Variants in DMD observed in about 807,000 individuals in gnomAD.
DMD encodes dystrophin.
DMD carries 63 observed loss-of-function variants against 330.1 expected under a neutral mutation model. The observed-to-expected ratio is 0.19, with a 90% CI of 0.16 to 0.24. DMD has a LOEUF of 0.24. Ranked by LOEUF, DMD falls within the 10% of genes least tolerant of loss-of-function variation. The pLI is 1.00. For missense variants in DMD, 3,344 were observed against 2,684.1 expected (o/e 1.25, Z -5.43); for synonymous variants, 1,223 against 959.8 (o/e 1.27, Z -5.07).
intron 2 of DMD, among the ~76,000 whole-genome samples, chrX:32,967,974 C>G (rs1266219612): frequency 1.8e-5 from 2 of 111,882 alleles, no homozygotes; most frequent in Non-Finnish European, 3.8e-5. Context: ...ATTCTTCACA[C>G]TTTTCAGTAT....
intron 1 of DMD, among the ~76,000 whole-genome samples, chrX:33,066,730 A>G (rs1208461672): frequency 1.8e-5 from 2 of 111,377 alleles, no homozygotes; most frequent in Non-Finnish European, 3.8e-5. Flanking sequence ...CACATAAAGC[A>G]TGCATAAGAA....
chrX:32,846,723 T>TTAAA (rs1491283627), intron 3 of DMD, among the ~76,000 whole-genome samples: 33 of 53,583 alleles, frequency 6.2e-4, no homozygotes, highest in African/African-American at 2.0e-3. Context: ...ACTTTAGATT[T>TTAAA]AAAAAAAAAA....
chrX:32,675,557 T>G, intron 9 of DMD, among the ~76,000 whole-genome samples: 1 of 111,818 alleles, frequency 8.9e-6, no homozygotes, highest in Middle Eastern at 4.6e-3. Context: ...TTTTAGTAAA[T>G]CATGAAGTGT....
intron 44 of DMD, among the ~76,000 whole-genome samples, chrX:31,994,134 C>T (rs750483357): frequency 9.0e-6 from 1 of 111,605 alleles, no homozygotes; most frequent in East Asian, 2.8e-4. Context: ...CTGTTAGAAG[C>T]GTGGGAAACC....
At chrX:32,409,562 A>C (rs2098133473) in intron 30 of DMD, among the ~76,000 whole-genome samples, 1 of 111,636 alleles carries the variant, frequency 9.0e-6, no homozygotes, top group South Asian at 3.7e-4. Flanking sequence ...CTTCGCCCTA[A>C]AAGCTCCAAT....
chrX:31,901,800 C>A (rs753187823), intron 47 of DMD, among the ~76,000 whole-genome samples: 1 of 110,688 alleles, frequency 9.0e-6, no homozygotes, highest in Admixed American at 9.6e-5. Context: ...TGACTTTTAC[C>A]GTTTCTAATG....
intron 4 of DMD, among the ~76,000 whole-genome samples, chrX:32,838,608 T>C (rs1170562532): frequency 9.0e-6 from 1 of 111,475 alleles, no homozygotes; most frequent in African/African-American, 3.3e-5. Context: ...TAGTATTCCA[T>C]GGTGTATATG....
At chrX:32,180,237 G>C (rs1477285004) in intron 44 of DMD, among the ~76,000 whole-genome samples, 1 of 111,390 alleles carries the variant, frequency 9.0e-6, no homozygotes, top group Admixed American at 9.6e-5. Context: ...ACATCGTAGG[G>C]TCAGCAGTTT....
At chrX:32,650,229 T>A (rs1448820604) in intron 9 of DMD, among the ~76,000 whole-genome samples, 1 of 112,192 alleles carries the variant, frequency 8.9e-6, no homozygotes, top group Admixed American at 9.5e-5. Context: ...TTTGGCAATT[T>A]ATCTAAATTC....
intron 22 of DMD, among the ~76,000 whole-genome samples, chrX:32,469,484 C>T: frequency 9.1e-6 from 1 of 110,332 alleles, no homozygotes. Flanking sequence ...TTATTCTTTC[C>T]CCTATAATGT....
At chrX:31,786,622 G>A (rs983106322) in intron 50 of DMD, among the ~76,000 whole-genome samples, 2 of 111,444 alleles carry the variant, frequency 1.8e-5, no homozygotes, top group Non-Finnish European at 3.8e-5. Context: ...TTCTGGAGTC[G>A]ATGCACCCAC....
chrX:31,526,570 T>G (rs2073252632), intron 55 of DMD, among the ~76,000 whole-genome samples: 1 of 111,992 alleles, frequency 8.9e-6, no homozygotes, highest in African/African-American at 3.2e-5. Context: ...AATATGCATC[T>G]TTTGGGATAT....
chrX:32,693,760 TAA>T (rs2063453389), intron 9 of DMD, among the ~76,000 whole-genome samples: 1 of 111,886 alleles, frequency 8.9e-6, no homozygotes. Flanking sequence ...TTTGTTTTTT[TAA>T]GTGTTACAAT....
chrX:32,403,204 G>C (rs770755310), intron 30 of DMD, among the ~76,000 whole-genome samples: 14 of 111,805 alleles, frequency 1.3e-4, no homozygotes, highest in Middle Eastern at 4.6e-3. Context: ...ATTTTAGATC[G>C]ATAAATTTTC....
intron 44 of DMD, among the ~76,000 whole-genome samples, chrX:32,000,274 C>T (rs1037374668): frequency 8.9e-6 from 1 of 111,977 alleles, no homozygotes. Context: ...ACCTTCAATG[C>T]CTTCTAAAAC....
At chrX:32,870,328 A>C (rs1306077176) in intron 2 of DMD, among the ~76,000 whole-genome samples, 3 of 112,031 alleles carry the variant, frequency 2.7e-5, no homozygotes, top group Non-Finnish European at 5.6e-5. Context: ...CATGGATAGA[A>C]TCAATACTGT....
intron 11 of DMD, among the ~76,000 whole-genome samples, chrX:32,635,213 C>CA (rs1418885109): frequency 9.0e-6 from 1 of 111,639 alleles, no homozygotes; most frequent in Admixed American, 9.5e-5. Flanking sequence ...TGACTGCTGC[C>CA]ATGGATGAGG....
intron 43 of DMD, among the ~76,000 whole-genome samples, chrX:32,283,850 C>T (rs959919424): frequency 1.8e-5 from 2 of 111,723 alleles, no homozygotes; most frequent in African/African-American, 6.5e-5. Flanking sequence ...TATCGACTAA[C>T]TGCCCCTTTA....
At chrX:31,249,653 G>A (rs56157001) in intron 63 of DMD, among the ~76,000 whole-genome samples, 7,703 of 111,114 alleles carry the variant, frequency 0.069, 281 homozygotes, top group Middle Eastern at 0.099. Flanking sequence ...GTGATCAGGT[G>A]ATCTTTATCA....
Sources: gnomAD v4.1 joint callset for allele counts (sites outside exome capture counted in the v4.1 genomes callset) on GRCh38, gnomAD v4.1.1 for gene constraint, MANE v1.5 for transcripts, NCBI Gene and HGNC (gene_info 2026-07-23, HGNC 2026-07-21) for gene names.